The following SERINC1 variants were observed in gnomAD, a reference collection of about 807,000 sequenced individuals.
SERINC1 encodes the protein tumor differentially expressed protein 2.
Under a neutral mutation model 52.9 loss-of-function variants are expected in SERINC1, and 38 were observed. The observed-to-expected ratio is 0.72, with a 90% confidence interval of 0.55 to 0.94. The LOEUF (loss-of-function observed/expected upper bound fraction) is 0.94. Among genes scored for constraint, SERINC1 ranks in the 40% least tolerant of loss-of-function variants. The probability of loss-of-function intolerance (pLI) is 0.00; values close to 1 mark genes in which losing one functional copy is unlikely to be tolerated. For missense variants in SERINC1, 471 were observed against 533.9 expected, an observed-to-expected ratio of 0.88 and a Z score of 1.16; for synonymous variants, 198 against 183.1, an observed-to-expected ratio of 1.08 and a Z score of -0.66.
chr6:122,466,053 T>C (rs1442241519), intron 1 of SERINC1, among the ~76,000 whole-genome samples: 1 of 151,974 alleles, frequency 6.6e-6, no homozygotes, highest in East Asian at 1.9e-4. Context: ...CTGGCCAACA[T>C]GGTGAAACAG....
intron 1 of SERINC1, among the ~76,000 whole-genome samples, chr6:122,470,870 A>AG (rs1554212411): frequency 6.6e-6 from 1 of 151,960 alleles, no homozygotes; most frequent in Non-Finnish European, 1.5e-5. Flanking sequence ...ACTATTTTGG[A>AG]GGGGGCAGAG....
chr6:122,459,491 C>T (rs1775062152), intron 1 of SERINC1, among the ~76,000 whole-genome samples: 1 of 152,148 alleles, frequency 6.6e-6, no homozygotes, highest in Admixed American at 6.5e-5. Flanking sequence ...GACCACTACA[C>T]CAACCAATAT....
chr6:122,458,735 T>A (rs1011051218), intron 1 of SERINC1, 54 bp from the exon 2 acceptor site: 4 of 1,206,880 alleles, frequency 3.3e-6, no homozygotes, highest in Non-Finnish European at 3.5e-6. Flanking sequence ...AATCACTATA[T>A]CTTAAAATGA....
At chr6:122,462,724 A>C (rs138463252) in intron 1 of SERINC1, among the ~76,000 whole-genome samples, 2 of 152,262 alleles carry the variant, frequency 1.3e-5, no homozygotes, top group African/African-American at 2.4e-5. Flanking sequence ...TCATGTTTCT[A>C]CGTATTAGTA....
chr6:122,444,746 A>G lies in SERINC1; in HGVS notation c.*298T>C. On this transcript the variant is annotated 3_prime_UTR_variant, in exon 10 of 10. Transcript: ENST00000339697. ...GTCTAATATAATTTTAAAATAGTCA[A>G]ACAAATTTGTTTTTACTCTTCATTT... 1 of 256,120 alleles carries G rather than the reference A, an allele frequency of 3.9e-6. No homozygotes were observed. The highest frequency in any genetic ancestry group is 1.1e-4 in the South Asian group (1 of 9,420). 15.9% of individuals were successfully genotyped at this position (256,120 alleles called of 1,614,324 possible).
intron 2 of SERINC1, among the ~76,000 whole-genome samples, chr6:122,457,954 C>T (rs474440): frequency 0.55 from 82,708 of 151,678 alleles, 22,795 homozygotes; most frequent in South Asian, 0.68. Flanking sequence ...ACTTTCCTCC[C>T]GGTTTTGTAG....
chr6:122,470,613 T>C (rs1320807475), intron 1 of SERINC1, among the ~76,000 whole-genome samples: 3 of 152,204 alleles, frequency 2.0e-5, no homozygotes, highest in African/African-American at 7.2e-5. Context: ...AAATACCATA[T>C]AATCAAAAGA....
At chr6:122,457,053 C>G (rs1290323613) in intron 2 of SERINC1, among the ~76,000 whole-genome samples, 1 of 152,176 alleles carries the variant, frequency 6.6e-6, no homozygotes, top group Non-Finnish European at 1.5e-5. Context: ...TCCTCCCACT[C>G]TTTCCAGTCC....
In SERINC1 at chr6:122,445,041, C is replaced by A; in HGVS notation, c.*3G>T. Reference sequence around the variant, plus strand: ...AGTGGGACTTTCATGCTAGAAGTCTCACTCAGTCAAAATCACGATTTGTAA... The same window carrying A: ...AGTGGGACTTTCATGCTAGAAGTCTAACTCAGTCAAAATCACGATTTGTAA... On this transcript the variant is annotated 3_prime_UTR_variant, in exon 10 of 10. Transcript: ENST00000339697. 2.5e-6 allele frequency: 4 copies of A among 1,611,796 alleles called. No individual in the cohort carries two copies. Among genetic ancestry groups the A allele is most frequent in the Non-Finnish European group, 3.4e-6 (4 of 1,179,158 alleles).
intron 9 of SERINC1, among the ~76,000 whole-genome samples, chr6:122,446,486 A>T (rs1185872712): frequency 6.6e-6 from 1 of 152,200 alleles, no homozygotes; most frequent in Non-Finnish European, 1.5e-5. Context: ...AATTGAAAAA[A>T]AAAATGTTAG....
In SERINC1 at chr6:122,453,925, C is replaced by G. The variant is rs1226977981; in HGVS notation, c.452-18G>C. On this transcript the variant is annotated intron_variant, in intron 4 of 9. Coordinates refer to ENST00000339697, the MANE Select transcript of SERINC1 (RefSeq NM_020755.4). Reference sequence around the variant, plus strand: ...AAACCACACTGAAAGGGAAAGAAAGCATACATAAGTGATTGGTTAGTTTGA... The same window carrying G: ...AAACCACACTGAAAGGGAAAGAAAGGATACATAAGTGATTGGTTAGTTTGA... The G allele has an allele frequency of 3.2e-6, 5 of 1,557,418 alleles. No homozygotes were observed. The Admixed American group carries it at 9.8e-5, about 31-fold the overall frequency.
intron 5 of SERINC1, 26 bp downstream of exon 5, chr6:122,453,744 G>C: frequency 6.4e-7 from 1 of 1,573,702 alleles, no homozygotes; most frequent in Non-Finnish European, 8.7e-7. Flanking sequence ...CAACTATACT[G>C]AAGTTGTTCT....
chr6:122,451,625 G>T, intron 7 of SERINC1, 39 bp downstream of exon 7: 2 of 766,500 alleles, frequency 2.6e-6, no homozygotes, highest in Non-Finnish European at 4.3e-6. Flanking sequence ...AACAACAACT[G>T]CAGAACCTTT....
chr6:122,446,368 A>G (rs1405034197), intron 9 of SERINC1, among the ~76,000 whole-genome samples: 1 of 152,154 alleles, frequency 6.6e-6, no homozygotes, highest in Non-Finnish European at 1.5e-5. Context: ...CTAAGAATCT[A>G]TCTACATTAA....
At chr6:122,454,906 A>G (rs1187301188) in intron 3 of SERINC1, among the ~76,000 whole-genome samples, 1 of 152,164 alleles carries the variant, frequency 6.6e-6, no homozygotes, top group Admixed American at 6.5e-5. Flanking sequence ...AAACATGTTC[A>G]TGCATGCATA....
chr6:122,469,831 A>G lies in SERINC1; in HGVS notation c.39+1868T>C, dbSNP rs1269193569. On this transcript the variant is annotated intron_variant, in intron 1 of 9. Coordinates refer to ENST00000339697, the MANE Select transcript of SERINC1 (RefSeq NM_020755.4). ...CCTCATCCTCCCAAGTGCTGGGATT[A>G]CAGGCGTGAGCCACTGCAGCAGGCT... Among the ~76,000 whole-genome samples the G allele has an allele frequency of 2.6e-5, 4 of 152,180 alleles. No homozygotes were observed. The East Asian group carries it at 7.7e-4, about 29-fold the overall frequency.
intron 1 of SERINC1, among the ~76,000 whole-genome samples, chr6:122,461,657 AT>A (rs1171804801): frequency 8.8e-5 from 13 of 147,276 alleles, no homozygotes; most frequent in African/African-American, 3.2e-4. Flanking sequence ...TTAAAGTATA[AT>A]AAAAAAAAAA....
At chr6:122,466,925 A>G (rs1468424399) in intron 1 of SERINC1, among the ~76,000 whole-genome samples, 2 of 152,170 alleles carry the variant, frequency 1.3e-5, no homozygotes, top group African/African-American at 4.8e-5. Flanking sequence ...AAAAGTTTCT[A>G]AAATGACTTC....
At chr6:122,452,923 G>A (rs62424277) in intron 5 of SERINC1, among the ~76,000 whole-genome samples, 1,974 of 152,114 alleles carry the variant, frequency 0.013, 18 homozygotes, top group Non-Finnish European at 0.018. Context: ...AGACACACTG[G>A]ATTTGGCTTG....
Sources: allele counts gnomAD v4.1 joint callset (sites outside exome capture counted in the v4.1 genomes callset), GRCh38; gene constraint gnomAD v4.1.1; transcripts MANE v1.5; gene names NCBI Gene and HGNC (gene_info 2026-07-23, HGNC 2026-07-21).